CCSER1: variants seen among roughly 807,000 people sequenced by gnomAD.
CCSER1 encodes the protein serine-rich coiled-coil domain-containing protein 1.
Under a neutral mutation model 82.0 loss-of-function variants are expected in CCSER1, and 41 were observed. That is an observed-to-expected ratio of 0.50 (90% CI 0.39 to 0.65). The LOEUF is 0.65. CCSER1 is among the 30% of genes least tolerant of loss of function. The pLI, the probability that CCSER1 is intolerant of heterozygous loss-of-function variation, is 0.00. For synonymous variants in CCSER1, 414 were observed against 383.9 expected, an observed-to-expected ratio of 1.08 and a Z score of -0.92; for missense variants, 1,119 against 1,064.2, an observed-to-expected ratio of 1.05 and a Z score of -0.72.
intron 1 of CCSER1, among the ~76,000 whole-genome samples, chr4:90,165,106 T>C (rs1438919429): frequency 2.6e-5 from 4 of 152,142 alleles, no homozygotes; most frequent in African/African-American, 9.7e-5. Flanking sequence ...GGCATTGTTT[T>C]TGAAGACCTA....
chr4:90,432,678 A>G (rs1375937823), intron 4 of CCSER1, among the ~76,000 whole-genome samples: 2 of 151,274 alleles, frequency 1.3e-5, no homozygotes, highest in African/African-American at 2.4e-5. Flanking sequence ...TGGCCTGAAA[A>G]TCCCACAATC....
chr4:90,343,867 A>T (rs1431281306), intron 3 of CCSER1, among the ~76,000 whole-genome samples: 3 of 152,138 alleles, frequency 2.0e-5, no homozygotes, highest in Non-Finnish European at 4.4e-5. Context: ...GCCCTCAAGG[A>T]TTTATCCTTT....
chr4:90,763,959 A>AAT (rs1750797491), intron 7 of CCSER1, among the ~76,000 whole-genome samples: 1 of 152,230 alleles, frequency 6.6e-6, no homozygotes, highest in African/African-American at 2.4e-5. Flanking sequence ...GATTTTATAA[A>AAT]GAGCTTCTAA....
intron 8 of CCSER1, among the ~76,000 whole-genome samples, chr4:90,846,993 T>G (rs1763302855): frequency 6.6e-6 from 1 of 152,198 alleles, no homozygotes; most frequent in Non-Finnish European, 1.5e-5. Context: ...TTAATTTGAT[T>G]TAATTCTTTA....
intron 9 of CCSER1, among the ~76,000 whole-genome samples, chr4:90,940,474 A>C (rs1731461760): frequency 6.6e-6 from 1 of 151,772 alleles, no homozygotes; most frequent in South Asian, 2.1e-4. Flanking sequence ...TGTCCATTAG[A>C]CTCTTAAAGT....
At chr4:91,181,516 G>A (rs371922513) in intron 10 of CCSER1, among the ~76,000 whole-genome samples, 22 of 152,186 alleles carry the variant, frequency 1.4e-4, no homozygotes, top group African/African-American at 4.6e-4. Context: ...ATCATTTGAG[G>A]TTGAGGTGCC....
intron 1 of CCSER1, among the ~76,000 whole-genome samples, chr4:90,301,281 A>T (rs889321109): frequency 5.9e-5 from 9 of 151,924 alleles, no homozygotes; most frequent in Admixed American, 4.6e-4. Context: ...AAGAAATTTG[A>T]CTCTAATTTT....
chr4:91,153,606 C>G (rs906220998), intron 10 of CCSER1, among the ~76,000 whole-genome samples: 3 of 151,878 alleles, frequency 2.0e-5, no homozygotes, highest in Non-Finnish European at 2.9e-5. Context: ...GAGTTTTCAG[C>G]TTTTTTGCTC....
intron 6 of CCSER1, among the ~76,000 whole-genome samples, chr4:90,628,470 G>A (rs1045728653): frequency 1.3e-4 from 20 of 152,086 alleles, no homozygotes; most frequent in African/African-American, 4.3e-4. Flanking sequence ...AGAATAAATT[G>A]ATCCCAAGCA....
chr4:90,854,548 G>A (rs147855153), intron 8 of CCSER1, among the ~76,000 whole-genome samples: 166 of 151,950 alleles, frequency 1.1e-3, no homozygotes, highest in Middle Eastern at 6.8e-3. Flanking sequence ...AAATTGTTTC[G>A]GCTAAGACAC....
chr4:91,225,353 T>A (rs13112031), intron 10 of CCSER1, among the ~76,000 whole-genome samples: 4 of 34,772 alleles, frequency 1.2e-4, no homozygotes, highest in East Asian at 4.4e-3. Flanking sequence ...AATATATATG[T>A]ATATATATTA....
At chr4:91,079,985 C>G (rs866239752) in intron 9 of CCSER1, among the ~76,000 whole-genome samples, 21 of 152,022 alleles carry the variant, frequency 1.4e-4, no homozygotes, top group Admixed American at 3.9e-4. Context: ...TTAACAACCC[C>G]CTGTCAACAT....
chr4:90,271,608 A>G (rs1726286509), intron 1 of CCSER1, among the ~76,000 whole-genome samples: 1 of 151,866 alleles, frequency 6.6e-6, no homozygotes, highest in African/African-American at 2.4e-5. Flanking sequence ...ATACTCCACC[A>G]AGCACAGGCA....
At chr4:90,197,728 C>T (rs1308096200) in intron 1 of CCSER1, among the ~76,000 whole-genome samples, 1 of 151,308 alleles carries the variant, frequency 6.6e-6, no homozygotes, top group Non-Finnish European at 1.5e-5. Context: ...AACTAAAAAT[C>T]AAAACAATTG....
chr4:91,160,701 G>T lies in CCSER1; in HGVS notation c.2217+74707G>T, dbSNP rs1229267783. On this transcript the variant is annotated intron_variant, in intron 10 of 10. Transcript: ENST00000509176. ...TGGCTGCATAAATGCCTTCTTTTGA[G>T]AAGTGTCTGTACATATCCTTTGCCC... is the stretch of plus-strand genomic sequence containing the variant. 4.6e-5 allele frequency among the ~76,000 whole-genome samples: 7 copies of T among 152,162 alleles called. No individual in the cohort carries two copies. The East Asian group carries it at 1.3e-3, about 29-fold the overall frequency.
At chr4:91,575,118 G>T (rs1402037878) in intron 10 of CCSER1, among the ~76,000 whole-genome samples, 2 of 151,876 alleles carry the variant, frequency 1.3e-5, no homozygotes, top group African/African-American at 2.4e-5. Flanking sequence ...ATGAGGAAAG[G>T]ACAATCTCTT....
intron 8 of CCSER1, among the ~76,000 whole-genome samples, chr4:90,881,015 T>C (rs1721227312): frequency 6.6e-6 from 1 of 150,526 alleles, no homozygotes; most frequent in African/African-American, 2.5e-5. Context: ...TAGCTGCTTC[T>C]AGTCGACCAT....
At chr4:90,138,102 C>G (rs1055795569) in intron 1 of CCSER1, among the ~76,000 whole-genome samples, 7 of 152,196 alleles carry the variant, frequency 4.6e-5, no homozygotes, top group African/African-American at 9.6e-5. Flanking sequence ...TCCCCACCAG[C>G]TGGTCTAAAC....
At chr4:90,622,525 T>C (rs974580638) in intron 5 of CCSER1, among the ~76,000 whole-genome samples, 2 of 152,156 alleles carry the variant, frequency 1.3e-5, no homozygotes, top group African/African-American at 2.4e-5. Context: ...GGTGTTTGTT[T>C]TTTTGTCCTT....
Sources: allele counts gnomAD v4.1 joint callset (sites outside exome capture counted in the v4.1 genomes callset), GRCh38; gene constraint gnomAD v4.1.1; transcripts MANE v1.5; gene names NCBI Gene and HGNC (gene_info 2026-07-23, HGNC 2026-07-21).